The following USP50 variants were observed in gnomAD, a reference collection of about 807,000 sequenced individuals.
USP50 encodes ubiquitin specific peptidase 50, also known as ubiquitin carboxyl-terminal hydrolase 50.
A neutral mutation model predicts 39.2 loss-of-function variants in USP50; 37 were observed. That is an observed-to-expected ratio of 0.94 (90% confidence interval 0.73 to 1.24). The LOEUF (loss-of-function observed/expected upper bound fraction) is 1.24. USP50 is among the 50% of genes most tolerant of loss of function. The pLI, the probability that USP50 is intolerant of heterozygous loss-of-function variation, is 0.00. For synonymous variants in USP50, 139 were observed against 144.5 expected (o/e 0.96, Z 0.27); for missense variants, 374 against 398.2 (o/e 0.94, Z 0.52).
chr15:50,540,900 A>G (rs1195996281), intron 4 of USP50, 149 bp downstream of exon 4: 4 of 659,608 alleles, frequency 6.1e-6, no homozygotes, highest in African/African-American at 1.8e-5. Context: ...CTCGGATTAC[A>G]GGCATGAGCC....
rs189586089 is a variant in USP50 at position 50,534,352 on chromosome 15, G to A, written c.803+4357C>T. On this transcript the variant is annotated intron_variant, in intron 5 of 6. Transcript: ENST00000532404. ...CAACCACTAACAAATGTTTTAAAAA[G>A]TATAACTGATGTGGTAATAAAGGAG... 3.7e-3 allele frequency among the ~76,000 whole-genome samples: 560 copies of A among 152,216 alleles called. 3 individuals carry two copies. Among genetic ancestry groups the A allele is most frequent in the African/African-American group, 0.013 (545 of 41,532 alleles).
At chr15:50,529,681 T>A (rs2052924765) in intron 6 of USP50, 116 bp downstream of exon 6, 1 of 1,172,448 alleles carries the variant, frequency 8.5e-7, no homozygotes, top group South Asian at 1.6e-5. Context: ...TCCTGGTCTA[T>A]ATTTTTTAAA....
chr15:50,494,511 A>ATAGT (rs1468001801), intron 1 of USP50, among the ~76,000 whole-genome samples: 1 of 152,262 alleles, frequency 6.6e-6, no homozygotes, highest in African/African-American at 2.4e-5. Context: ...AAATGTTAAA[A>ATAGT]TAGTTATTGG....
intron 6 of USP50, chr15:50,502,811 G>GA (rs1158746326): frequency 6.6e-6 from 1 of 152,252 alleles, no homozygotes; most frequent in Non-Finnish European, 1.5e-5. Context: ...AAATGGATCT[G>GA]ACTAGTTAAT....
At chr15:50,498,434 A>G, downstream of USP50, 1 of 906,568 alleles carries the variant, frequency 1.1e-6, no homozygotes, top group Non-Finnish European at 1.6e-6. Context: ...TAAAATGGAA[A>G]TGAAGCCAAA....
chr15:50,495,189 GAT>G (rs147090227), intron 1 of USP50, among the ~76,000 whole-genome samples: 84 of 146,700 alleles, frequency 5.7e-4, no homozygotes, highest in Middle Eastern at 3.6e-3. Context: ...CCACTGAACA[GAT>G]ATATATATAT....
At position 50,506,276 on chromosome 15, in the gene USP50, C is replaced by T. The variant is rs184987804; in HGVS notation, c.937-5439G>A. ...ACCTGGCTGCACAGCAGGAAGCGAG[C>T]GGCAAACCTACCCTGAGCACCGCCT... On this transcript the variant is annotated intron_variant, in intron 6 of 6. Coordinates refer to ENST00000532404, the MANE Select transcript of USP50 (RefSeq NM_203494.5). 6.7e-3 allele frequency: 1,024 copies of T among 152,394 alleles called. 4 individuals carry two copies. The highest frequency in any genetic ancestry group is 0.01 in the Non-Finnish European group (692 of 68,120). The allele number at this position is 152,394 out of a possible 1,614,324, so 9.4% of individuals were successfully genotyped here.
chr15:50,538,299 AAG>A (rs2052999360), intron 5 of USP50, among the ~76,000 whole-genome samples: 1 of 149,146 alleles, frequency 6.7e-6, no homozygotes, highest in African/African-American at 2.5e-5. Flanking sequence ...AAAAAAAAAA[AAG>A]ACAGAAAAAG....
chr15:50,509,058 C>CCA, intron 6 of USP50: 1 of 144,956 alleles, frequency 6.9e-6, no homozygotes, highest in South Asian at 2.2e-4. Context: ...GGCGTGAACC[C>CCA]GGGGTCGGAG....
intron 5 of USP50, among the ~76,000 whole-genome samples, chr15:50,536,898 T>C (rs1296771746): frequency 3.3e-5 from 5 of 152,060 alleles, no homozygotes; most frequent in African/African-American, 1.2e-4. Context: ...TACAATGCAA[T>C]CCCAATCAAA....
downstream of USP50, chr15:50,500,558 C>CAAGT: frequency 2.0e-6 from 1 of 487,948 alleles, no homozygotes; most frequent in Non-Finnish European, 3.7e-6. Flanking sequence ...GTTAATGATG[C>CAAGT]AAGTAAGTTC....
intron 6 of USP50, among the ~76,000 whole-genome samples, chr15:50,518,961 A>T (rs918692876): frequency 1.3e-5 from 2 of 152,164 alleles, no homozygotes; most frequent in African/African-American, 4.8e-5. Flanking sequence ...AAACAACTCA[A>T]CAACAACAAA....
downstream of USP50, chr15:50,499,930 A>ATATT (rs1555393635): frequency 1.3e-5 from 2 of 152,184 alleles, no homozygotes; most frequent in Non-Finnish European, 2.9e-5. Flanking sequence ...TTCATTCTAA[A>ATATT]TATTAAAGTA....
rs771639676 is a variant in USP50 at position 50,538,872 on chromosome 15, T to C, written c.661-21A>G. The stretch of plus-strand genomic sequence containing the variant: ...CAGTCCTGTTAAGGAAAAAAAGGAT[T>C]TGGTGACCAAATTGGATCAACTGCA... On this transcript the variant is annotated intron_variant, in intron 4 of 6. Transcript: ENST00000532404. 4.4e-6 allele frequency: 7 copies of C among 1,583,014 alleles called. No homozygotes were observed. In the Admixed American group the frequency reaches 1.3e-4, roughly 30 times the overall value.
intron 6 of USP50, chr15:50,513,650 G>A (rs1053040531): frequency 6.6e-6 from 1 of 151,122 alleles, no homozygotes; most frequent in African/African-American, 2.4e-5. Context: ...AAGAATAAAA[G>A]ACTTGTTTAG....
At chr15:50,500,931 T>A in intron 6 of USP50, 94 bp from the exon 7 acceptor site, 1 of 1,036,456 alleles carries the variant, frequency 9.6e-7, no homozygotes, top group Non-Finnish European at 1.5e-6. Context: ...TTTTAAATTG[T>A]CCCTTATTCT....
chr15:50,501,163 TAAG>T (rs1384163899), intron 6 of USP50: 5 of 245,026 alleles, frequency 2.0e-5, no homozygotes, highest in East Asian at 9.6e-5. Flanking sequence ...AATTTTACAA[TAAG>T]AAGATAATTC....
Position 50,500,834 on chromosome 15 carries a change from G to T in USP50, c.940C>A (p.His314Asn). The T allele has an allele frequency of 6.3e-7, 1 of 1,577,932 alleles. No individual in the cohort carries two copies. Among genetic ancestry groups the T allele is most frequent in the South Asian group, 1.2e-5 (1 of 85,824 alleles). ...TGGCCACCATCCAAATCACCAAAAT[G>T]GTTCTATGGGAGAAAGGAATGTCAA... ...PKYNLCAVVN[H>N]FGDLDGGHYT... The change falls in exon 7 of 7, where the codon CAT (histidine) becomes AAT (asparagine). Residue 314 changes from histidine (H) to asparagine (N), a missense_variant. Coordinates refer to ENST00000532404, the MANE Select transcript of USP50 (RefSeq NM_203494.5).
At chr15:50,496,902 T>A (rs1450776404), downstream of USP50, 10 of 658,562 alleles carry the variant, frequency 1.5e-5, no homozygotes, top group South Asian at 4.6e-5. Flanking sequence ...CTCACCACAC[T>A]CTGTGCTGTC....
Sources: gnomAD v4.1 joint callset for allele counts (sites outside exome capture counted in the v4.1 genomes callset) on GRCh38, gnomAD v4.1.1 for gene constraint, MANE v1.5 for transcripts, NCBI Gene and HGNC (gene_info 2026-07-23, HGNC 2026-07-21) for gene names.